Variants in KCNMA1 observed in about 807,000 individuals in gnomAD.
KCNMA1 encodes the protein potassium calcium-activated channel subfamily M alpha 1.
Under a neutral mutation model 140.0 loss-of-function variants are expected in KCNMA1, and 29 were observed. That is an observed-to-expected ratio of 0.21 (90% CI 0.15 to 0.28). The LOEUF is 0.28. Among genes scored for constraint, KCNMA1 ranks in the 10% least tolerant of loss-of-function variants. KCNMA1 has a pLI of 1.00. For missense variants in KCNMA1, 880 were observed against 1,602.2 expected (o/e 0.55, Z 7.70); for synonymous variants, 612 against 611.9 (o/e 1.00, Z 0.00).
intron 3 of KCNMA1, among the ~76,000 whole-genome samples, chr10:77,205,744 T>C (rs2043878874): frequency 6.6e-6 from 1 of 152,208 alleles, no homozygotes; most frequent in African/African-American, 2.4e-5. Context: ...CATATCAGCC[T>C]AGATTTTGAT....
intron 2 of KCNMA1, among the ~76,000 whole-genome samples, chr10:77,306,522 C>T (rs562804947): frequency 2.6e-5 from 4 of 152,132 alleles, no homozygotes; most frequent in African/African-American, 9.7e-5. Context: ...TAAAGAATGA[C>T]AAAAATTCTG....
intron 2 of KCNMA1, among the ~76,000 whole-genome samples, chr10:77,271,550 C>T (rs377555885): frequency 2.0e-5 from 3 of 152,196 alleles, no homozygotes; most frequent in African/African-American, 7.2e-5. Flanking sequence ...TGAGCATCTA[C>T]CACAAAGAGG....
At chr10:76,997,888 C>T (rs1355158019) in intron 19 of KCNMA1, among the ~76,000 whole-genome samples, 1 of 152,216 alleles carries the variant, frequency 6.6e-6, no homozygotes, top group African/African-American at 2.4e-5. Context: ...ACTCTATGCA[C>T]TGATTCTAGC....
At chr10:77,491,483 T>C (rs1247081823) in intron 1 of KCNMA1, among the ~76,000 whole-genome samples, 4 of 152,164 alleles carry the variant, frequency 2.6e-5, no homozygotes, top group African/African-American at 7.2e-5. Context: ...ACTGCTACAA[T>C]GAGGCCACCC....
chr10:77,158,413 T>A (rs2098514214), intron 5 of KCNMA1, among the ~76,000 whole-genome samples: 1 of 152,152 alleles, frequency 6.6e-6, no homozygotes, highest in Admixed American at 6.5e-5. Context: ...AGCAGACTGG[T>A]GCAGGTGCAG....
intron 1 of KCNMA1, among the ~76,000 whole-genome samples, chr10:77,406,598 C>A (rs1003607649): frequency 9.9e-5 from 15 of 152,080 alleles, no homozygotes; most frequent in African/African-American, 3.4e-4. Context: ...ACTTTGGGGA[C>A]CACAGCTCCT....
At chr10:77,489,317 T>C (rs2098503539) in intron 1 of KCNMA1, among the ~76,000 whole-genome samples, 1 of 152,030 alleles carries the variant, frequency 6.6e-6, no homozygotes. Flanking sequence ...ATTTTCTTTT[T>C]ATTTATTTAT....
intron 14 of KCNMA1, among the ~76,000 whole-genome samples, chr10:77,072,405 C>T (rs759686635): frequency 6.6e-6 from 1 of 152,184 alleles, no homozygotes; most frequent in African/African-American, 2.4e-5. Context: ...ACCTGGCCCA[C>T]CCTGGGAGGA....
intron 2 of KCNMA1, among the ~76,000 whole-genome samples, chr10:77,320,544 G>T (rs1383557364): frequency 6.6e-6 from 1 of 152,050 alleles, no homozygotes; most frequent in Non-Finnish European, 1.5e-5. Context: ...ACAGGTGTGG[G>T]AGCCTGAGCA....
intron 1 of KCNMA1, among the ~76,000 whole-genome samples, chr10:77,577,946 C>T (rs1379782717): frequency 1.3e-5 from 2 of 152,214 alleles, no homozygotes; most frequent in Non-Finnish European, 2.9e-5. Context: ...AAGGACCAAA[C>T]AGGTGCCTCC....
Position 76,887,155 on chromosome 10 carries a change from A to T in KCNMA1, c.*111T>A, listed in dbSNP as rs2037430877. ...ATCATACATATGCAAATATGTGTAAAAAAAAAGGGGGGGACTACAGGGGAA... is the reference window on the plus strand; with the variant it reads ...ATCATACATATGCAAATATGTGTAATAAAAAAGGGGGGGACTACAGGGGAA... On this transcript the variant is annotated 3_prime_UTR_variant, in exon 28 of 28. Coordinates refer to ENST00000286628, the MANE Select transcript of KCNMA1 (RefSeq NM_001161352.2). 5.6e-6 allele frequency: 9 copies of T among 1,609,566 alleles called. No individual in the cohort carries two copies. Among genetic ancestry groups the T allele is most frequent in the Non-Finnish European group, 7.6e-6 (9 of 1,179,444 alleles).
Position 76,891,663 on chromosome 10 carries a change from G to C in KCNMA1, c.3204C>G (p.Ala1068=). The C allele has an allele frequency of 6.2e-7, 1 of 1,614,092 alleles. No individual in the cohort carries two copies. The highest frequency in any genetic ancestry group is 8.5e-7 in the Non-Finnish European group (1 of 1,180,014). Residue 1068 remains alanine (A), a synonymous_variant, in exon 26 of 28, where the codon GCC becomes GCG. Coordinates refer to ENST00000286628, the MANE Select transcript of KCNMA1 (RefSeq NM_001161352.2). The part of the protein sequence containing the change: ...TLIRTLVTGG[A]TPELEALIAE... ...CAATCAGAGCCTCCAGCTCCGGCGT[G>C]GCTCCTCCGGTCACCAGGGTCCGTA...
chr10:77,020,296 T>G (rs1225568372), intron 16 of KCNMA1: 1 of 152,200 alleles, frequency 6.6e-6, no homozygotes, highest in Admixed American at 6.6e-5. Context: ...AAGTGATACG[T>G]CTGTAGTCAT....
rs1408766658 is a variant in KCNMA1 at position 77,114,544 on chromosome 10, G to T, written c.885-2102C>A. 2.0e-5 allele frequency among the ~76,000 whole-genome samples: 3 copies of T among 152,126 alleles called. No homozygotes were observed. The East Asian group carries it at 5.8e-4, about 29-fold the overall frequency. ...TCACATAAACTCTTGAAACTGCCAT[G>T]CCAGCTAAACCTATTTACTATAGCT... On this transcript the variant is annotated intron_variant, in intron 6 of 27. Coordinates refer to ENST00000286628, the MANE Select transcript of KCNMA1 (RefSeq NM_001161352.2).
At chr10:76,879,781 A>G (rs1380162270) in intron 29 of KCNMA1, among the ~76,000 whole-genome samples, 1 of 152,234 alleles carries the variant, frequency 6.6e-6, no homozygotes. Context: ...ATGAACCATT[A>G]TGCATTTGTG....
chr10:77,616,328 T>C (rs2154568859), intron 1 of KCNMA1, among the ~76,000 whole-genome samples: 1 of 152,300 alleles, frequency 6.6e-6, no homozygotes, highest in Non-Finnish European at 1.5e-5. Flanking sequence ...TTATTGTCAA[T>C]GCCCACATTA....
rs2076104648 is a variant in KCNMA1 at position 77,582,306 on chromosome 10, A to G, written c.378+54959T>C. On this transcript the variant is annotated intron_variant, in intron 1 of 27. Transcript: ENST00000286628. The stretch of plus-strand genomic sequence containing the variant: ...ATCTTTGTTTCTTCCTCTGTAAAAC[A>G]GAAATAATGATGCCTGCATCAGGGT... Among the ~76,000 whole-genome samples, 5 of 152,404 alleles carry G rather than the reference A, an allele frequency of 3.3e-5. 1 individual carries two copies. In the Middle Eastern group the frequency reaches 0.014, roughly 415 times the overall value.
At chr10:77,151,164 T>TCTTTCTTTCTTTC (rs1206821609) in intron 5 of KCNMA1, among the ~76,000 whole-genome samples, 1 of 149,424 alleles carries the variant, frequency 6.7e-6, no homozygotes, top group African/African-American at 2.5e-5. Flanking sequence ...TCTTTTCTTT[T>TCTTTCTTTCTTTC]CTTTCTTTCT....
chr10:77,590,177 T>G (rs1164781209), intron 1 of KCNMA1, among the ~76,000 whole-genome samples: 1 of 151,970 alleles, frequency 6.6e-6, no homozygotes, highest in Non-Finnish European at 1.5e-5. Context: ...GACATAAAGG[T>G]TTTCCAAGTC....
Sources: allele counts gnomAD v4.1 joint callset (sites outside exome capture counted in the v4.1 genomes callset), GRCh38; gene constraint gnomAD v4.1.1; transcripts MANE v1.5; gene names NCBI Gene and HGNC (gene_info 2026-07-23, HGNC 2026-07-21).